The following CNKSR2 variants were observed in gnomAD, a reference collection of about 807,000 sequenced individuals.
CNKSR2 encodes the protein connector enhancer of kinase suppressor of Ras 2.
In CNKSR2, 14 loss-of-function variants were observed where a neutral mutation model predicts 84.4. The ratio of observed to expected loss-of-function variants is 0.17; its 90% CI spans 0.11 to 0.26. CNKSR2 has a LOEUF of 0.26. CNKSR2 is among the 10% of genes least tolerant of loss of function. CNKSR2 has a pLI of 1.00. For missense variants in CNKSR2, 485 were observed against 771.2 expected (o/e 0.63, Z 4.40); for synonymous variants, 275 against 277.9 (o/e 0.99, Z 0.10).
chrX:21,434,536 A>C lies in CNKSR2; in HGVS notation c.431+1722A>C, dbSNP rs1022972347. The stretch of plus-strand genomic sequence containing the variant: ...GGATTTAAAATGAACCCTGCAAATG[A>C]ATACTGCCAAGCATTTGATCTTTAA... On this transcript the variant is annotated intron_variant, in intron 3 of 21. Coordinates refer to ENST00000379510, the MANE Select transcript of CNKSR2 (RefSeq NM_014927.5). 5.4e-5 allele frequency among the ~76,000 whole-genome samples: 6 copies of C among 111,883 alleles called. No homozygotes were observed. The Admixed American group carries it at 5.7e-4, about 11-fold the overall frequency.
In CNKSR2 at chrX:21,526,867, C is replaced by A; in HGVS notation, c.958C>A (p.Pro320Thr). 1 of 1,197,772 alleles carries A rather than the reference C, an allele frequency of 8.3e-7. No individual in the cohort carries two copies. Among genetic ancestry groups the A allele is most frequent in the Non-Finnish European group, 1.1e-6 (1 of 886,488 alleles). The change falls in exon 10 of 22, where the codon CCT (proline) becomes ACT (threonine). Residue 320 changes from proline to threonine, a missense_variant and splice_region_variant. Physicochemically the swap from Pro to Thr is conservative, Grantham distance 38 (BLOSUM62 -1). Transcript: ENST00000379510. ...NMRWKPLALQ[P>T]LIPRSPTSSV... Reference sequence around the variant, plus strand: ...GTATTTTCTTTTTCATTTTAACCAGCCTCTTATACCTAGAAGTCCCACAAG... The same window carrying A: ...GTATTTTCTTTTTCATTTTAACCAGACTCTTATACCTAGAAGTCCCACAAG...
intron 10 of CNKSR2, among the ~76,000 whole-genome samples, chrX:21,529,509 G>T (rs1442048726): frequency 9.0e-6 from 1 of 111,106 alleles, no homozygotes; most frequent in East Asian, 2.8e-4. Context: ...AGTTAGTTCA[G>T]TAAAGCAATG....
At chrX:21,498,321 C>T (rs2091523502) in intron 7 of CNKSR2, among the ~76,000 whole-genome samples, 1 of 111,751 alleles carries the variant, frequency 8.9e-6, no homozygotes, top group Admixed American at 9.5e-5. Context: ...CCCTTTGGAA[C>T]TTGCTATATA....
intron 11 of CNKSR2, among the ~76,000 whole-genome samples, chrX:21,559,672 G>A (rs961722971): frequency 1.8e-5 from 2 of 110,868 alleles, no homozygotes; most frequent in East Asian, 2.8e-4. Flanking sequence ...CTGTATTGTC[G>A]CCATGTGAGG....
intron 1 of CNKSR2, among the ~76,000 whole-genome samples, chrX:21,403,865 T>G (rs189479746): frequency 1.0e-3 from 113 of 111,980 alleles, no homozygotes; most frequent in Non-Finnish European, 1.8e-3. Context: ...TTTATACAGC[T>G]GCTATGTTAT....
rs777444315 is a variant in CNKSR2 at position 21,648,853 on chromosome X, A to G, written c.2715A>G (p.Leu905=). 1 of 953,296 alleles carries G rather than the reference A, an allele frequency of 1.0e-6. No homozygotes were observed. The highest frequency in any genetic ancestry group is 2.5e-5 in the African/African-American group (1 of 39,817). 78.6% of individuals were successfully genotyped at this position (953,296 alleles called of 1,213,427 possible). A position where few individuals can be genotyped will look rare whatever the true frequency, so the allele number is the denominator to read the frequency against. ...CAGGTGAAAGCAGAGAAGAAAAGTT[A>G]GGAGACTCATTGCAAGATTTATACA... ...GEKSESREEK[L]GDSLQDLYRA... The change falls in exon 21 of 22, where the codon TTA becomes TTG. Residue 905 remains leucine (L), a synonymous_variant. Transcript: ENST00000379510.
intron 1 of CNKSR2, among the ~76,000 whole-genome samples, chrX:21,421,133 G>A (rs1411272698): frequency 3.6e-5 from 4 of 110,844 alleles, no homozygotes; most frequent in Non-Finnish European, 7.6e-5. Context: ...CATCAGCTGA[G>A]TTTGGTCTTG....
intron 4 of CNKSR2, among the ~76,000 whole-genome samples, chrX:21,467,153 T>C (rs2091138752): frequency 9.0e-6 from 1 of 111,482 alleles, no homozygotes; most frequent in Admixed American, 9.6e-5. Context: ...TTCTATATAT[T>C]TGATAATTTT....
Position 21,594,107 on chromosome X carries a change from G to A in CNKSR2, c.1831-867G>A, listed in dbSNP as rs1439225076. 7.1e-5 allele frequency: 8 copies of A among 112,313 alleles called. No individual in the cohort carries two copies. The Admixed American group carries it at 7.5e-4, about 11-fold the overall frequency. 9.3% of individuals were successfully genotyped at this position (112,313 alleles called of 1,213,427 possible). A position where few individuals can be genotyped will look rare whatever the true frequency, so the allele number is the denominator to read the frequency against. ...CACTGACAGATTGGATAAAGAAAAT[G>A]TGGTACATATACACCATGGAATACT... On this transcript the variant is annotated intron_variant, in intron 15 of 21. Coordinates refer to ENST00000379510, the MANE Select transcript of CNKSR2 (RefSeq NM_014927.5).
At chrX:21,502,830 G>A (rs1214388908) in intron 8 of CNKSR2, among the ~76,000 whole-genome samples, 2 of 111,561 alleles carry the variant, frequency 1.8e-5, no homozygotes, top group African/African-American at 6.5e-5. Context: ...TGACAGTTTT[G>A]ATGGCTTTCT....
At chrX:21,555,512 T>C (rs2092132010) in intron 11 of CNKSR2, among the ~76,000 whole-genome samples, 1 of 111,599 alleles carries the variant, frequency 9.0e-6, no homozygotes, top group African/African-American at 3.3e-5. Flanking sequence ...TCTTTAAATG[T>C]GTGATTCTCT....
chrX:21,501,400 G>T, intron 7 of CNKSR2, 120 bp from the exon 8 acceptor site: 1 of 377,961 alleles, frequency 2.6e-6, no homozygotes, highest in Non-Finnish European at 4.5e-6. Context: ...TTAATTCCTT[G>T]AAATTTTTAA....
intron 5 of CNKSR2, among the ~76,000 whole-genome samples, chrX:21,479,220 T>C (rs1480176211): frequency 8.9e-6 from 1 of 111,746 alleles, no homozygotes; most frequent in Non-Finnish European, 1.9e-5. Flanking sequence ...GTTCCATCCA[T>C]GTTGCTGCAG....
chrX:21,617,414 G>A (rs898088075), intron 20 of CNKSR2, among the ~76,000 whole-genome samples: 11 of 111,414 alleles, frequency 9.9e-5, no homozygotes, highest in Admixed American at 9.5e-4. Context: ...TAATATGATT[G>A]CACCATAAAA....
At position 21,390,707 on chromosome X, in the gene CNKSR2, T is replaced by C. The variant is rs1183859951; in HGVS notation, c.64+15746T>C. Among the ~76,000 whole-genome samples, 4 of 111,889 alleles carry C rather than the reference T, an allele frequency of 3.6e-5. No homozygotes were observed. In the South Asian group the frequency reaches 1.5e-3, roughly 42 times the overall value. On this transcript the variant is annotated intron_variant, in intron 1 of 21. Coordinates refer to ENST00000379510, the MANE Select transcript of CNKSR2 (RefSeq NM_014927.5). ...CTGCCCCGGCCTCTCCCAAATCTCA[T>C]GTCCTTCTCACATTGCAAAATACAA...
chrX:21,469,727 A>G (rs1042990109), intron 4 of CNKSR2, among the ~76,000 whole-genome samples: 2 of 110,591 alleles, frequency 1.8e-5, no homozygotes, highest in African/African-American at 3.3e-5. Flanking sequence ...CCTGACCAAC[A>G]TGGAGAAACC....
intron 6 of CNKSR2, chrX:21,491,274 G>T (rs1473091142): frequency 9.0e-6 from 1 of 111,613 alleles, no homozygotes; most frequent in Non-Finnish European, 1.9e-5. Context: ...ACAAGAAACT[G>T]GCTAGAGAAT....
intron 5 of CNKSR2, among the ~76,000 whole-genome samples, chrX:21,483,119 A>G (rs2091339373): frequency 9.0e-6 from 1 of 111,621 alleles, no homozygotes. Flanking sequence ...TGTTGCACGT[A>G]TGTTTATTAC....
At chrX:21,605,908 A>T (rs1000970702) in intron 18 of CNKSR2, among the ~76,000 whole-genome samples, 1 of 112,098 alleles carries the variant, frequency 8.9e-6, no homozygotes, top group African/African-American at 3.2e-5. Context: ...TCTGAAATTG[A>T]TGGATAATAC....
Sources: gnomAD v4.1 joint callset for allele counts (sites outside exome capture counted in the v4.1 genomes callset) on GRCh38, gnomAD v4.1.1 for gene constraint, MANE v1.5 for transcripts, NCBI Gene and HGNC (gene_info 2026-07-23, HGNC 2026-07-21) for gene names.